The following CPXM2 variants were observed in gnomAD, a reference collection of about 807,000 sequenced individuals.
CPXM2 encodes the protein inactive carboxypeptidase-like protein X2.
A neutral mutation model predicts 86.1 loss-of-function variants in CPXM2; 66 were observed. That is an observed-to-expected ratio of 0.77 (90% CI 0.63 to 0.94). CPXM2 has a LOEUF of 0.94. Ranked by LOEUF, CPXM2 falls within the 40% of genes least tolerant of loss-of-function variation. CPXM2 has a pLI of 0.00. For synonymous variants in CPXM2, 388 were observed against 400.2 expected (o/e 0.97, Z 0.36); for missense variants, 948 against 1,026.3 (o/e 0.92, Z 1.04).
At chr10:123,830,043 A>G (rs1848132252) in intron 4 of CPXM2, among the ~76,000 whole-genome samples, 1 of 152,188 alleles carries the variant, frequency 6.6e-6, no homozygotes, top group Admixed American at 6.5e-5. Context: ...AATTGAAATA[A>G]TAAATGTACT....
chr10:123,857,632 AGATGGAAGGCGGCG>A (rs1848760210), intron 3 of CPXM2, among the ~76,000 whole-genome samples: 12 of 119,712 alleles, frequency 1.0e-4, no homozygotes, highest in East Asian at 2.3e-4. Context: ...GGCGGCGTGG[AGATGGAAGGCGGCG>A]TGGAGATGGA....
intron 6 of CPXM2, among the ~76,000 whole-genome samples, chr10:123,782,598 C>A (rs1564766561): frequency 2.0e-5 from 3 of 152,156 alleles, no homozygotes; most frequent in Admixed American, 2.0e-4. Context: ...TTTATTGAGA[C>A]CCTCCCTATT....
rs112055743 is a variant in CPXM2 at position 123,827,662 on chromosome 10, G to T, written c.653+14687C>A. Among the ~76,000 whole-genome samples, 334 of 152,290 alleles carry T rather than the reference G, an allele frequency of 2.2e-3. 2 individuals carry two copies. Among genetic ancestry groups the T allele is most frequent in the African/African-American group, 7.8e-3 (325 of 41,562 alleles). On this transcript the variant is annotated intron_variant, in intron 4 of 13. Transcript: ENST00000241305. ...CTACAAATGTACACACAGCTTTACT[G>T]CAATTCCTACCAAGTTCCTAGTAAG...
chr10:123,895,725 C>T (rs1945332602), upstream of CPXM2, among the ~76,000 whole-genome samples: 1 of 152,202 alleles, frequency 6.6e-6, no homozygotes, highest in Admixed American at 6.5e-5. Flanking sequence ...AGCACTGATT[C>T]TCCCTGGATG....
chr10:123,748,492 A>G (rs766877145), intron 13 of CPXM2, among the ~76,000 whole-genome samples: 2 of 152,174 alleles, frequency 1.3e-5, no homozygotes, highest in African/African-American at 2.4e-5. Flanking sequence ...ACCCCGTGCA[A>G]TACACTGAGC....
At chr10:123,911,534 C>A (rs1337667675) in intron 2 of CPXM2, among the ~76,000 whole-genome samples, 4 of 151,374 alleles carry the variant, frequency 2.6e-5, no homozygotes, top group African/African-American at 9.7e-5. Context: ...AAGGCAAAAC[C>A]CACCATTACT....
intron 6 of CPXM2, among the ~76,000 whole-genome samples, chr10:123,791,847 C>A (rs138907624): frequency 6.6e-6 from 1 of 152,196 alleles, no homozygotes; most frequent in Non-Finnish European, 1.5e-5. Flanking sequence ...TGCAGTCAGT[C>A]GTGGCGAGCC....
At chr10:123,789,809 G>A (rs959398544) in intron 6 of CPXM2, among the ~76,000 whole-genome samples, 8 of 152,260 alleles carry the variant, frequency 5.3e-5, no homozygotes, top group East Asian at 3.9e-4. Flanking sequence ...AGCTAATTCC[G>A]ATTGGCTATT....
intron 4 of CPXM2, among the ~76,000 whole-genome samples, chr10:123,831,925 T>C (rs74162948): frequency 0.018 from 2,075 of 112,980 alleles, 41 homozygotes; most frequent in African/African-American, 0.066. Context: ...GATAATGACA[T>C]CCTGTGGGTG....
chr10:123,937,328 C>T (rs1193765113), intron 2 of CPXM2, among the ~76,000 whole-genome samples: 1 of 152,196 alleles, frequency 6.6e-6, no homozygotes, highest in African/African-American at 2.4e-5. Flanking sequence ...ACAGCATTGA[C>T]CCGGCAGCTC....
At chr10:123,880,660 T>C (rs978649582) in intron 1 of CPXM2, among the ~76,000 whole-genome samples, 1 of 151,600 alleles carries the variant, frequency 6.6e-6, no homozygotes, top group Non-Finnish European at 1.5e-5. Context: ...AAACCCTGTC[T>C]CTACTAAAAA....
intron 2 of CPXM2, among the ~76,000 whole-genome samples, chr10:123,902,942 T>C (rs1030019634): frequency 6.6e-6 from 1 of 152,228 alleles, no homozygotes; most frequent in Admixed American, 6.5e-5. Context: ...CCTTTCATTC[T>C]TCCCTTGTCA....
chr10:123,848,670 A>G (rs1183911145), intron 3 of CPXM2, among the ~76,000 whole-genome samples: 1 of 152,218 alleles, frequency 6.6e-6, no homozygotes, highest in African/African-American at 2.4e-5. Flanking sequence ...TCTATGGAAC[A>G]AGTTTAATTC....
intron 6 of CPXM2, among the ~76,000 whole-genome samples, chr10:123,784,200 G>C (rs137862449): frequency 1.4e-4 from 22 of 152,284 alleles, no homozygotes; most frequent in African/African-American, 4.6e-4. Context: ...GGAACACCAG[G>C]TGAGTGAAGG....
rs1000823633 is a variant in CPXM2 at position 123,885,185 on chromosome 10, C to T, written c.305-4876G>A. On this transcript the variant is annotated intron_variant, in intron 1 of 13. Transcript: ENST00000241305. This position sits in a 1 kb window ranked among gnomAD's most constrained non-coding sequence, Gnocchi z 4.0. ...GGCTGTGTTGTCTGGCAGGACTCAA[C>T]GGGGACTCAACCTGGCTGGGGACTC... Among the ~76,000 whole-genome samples, 6 of 145,458 alleles carry T rather than the reference C, an allele frequency of 4.1e-5. No individual in the cohort carries two copies. Among genetic ancestry groups the T allele is most frequent in the South Asian group, 2.4e-4 (1 of 4,084 alleles).
chr10:123,923,844 G>A (rs1169931327), intron 2 of CPXM2, among the ~76,000 whole-genome samples: 2 of 152,154 alleles, frequency 1.3e-5, no homozygotes, highest in African/African-American at 2.4e-5. Context: ...CTCTCCTCTT[G>A]TCTGCCTCCA....
chr10:123,804,326 C>A (rs1217303101), intron 4 of CPXM2, among the ~76,000 whole-genome samples: 1 of 152,142 alleles, frequency 6.6e-6, no homozygotes, highest in African/African-American at 2.4e-5. Context: ...TGAATATATA[C>A]ACCAATTTTG....
intron 4 of CPXM2, among the ~76,000 whole-genome samples, chr10:123,814,960 G>T (rs1383983794): frequency 1.3e-5 from 2 of 152,174 alleles, no homozygotes. Context: ...GGAGGGTGGA[G>T]GTTGCAGTGA....
At chr10:123,908,249 A>G (rs1318963329) in intron 2 of CPXM2, among the ~76,000 whole-genome samples, 2 of 151,522 alleles carry the variant, frequency 1.3e-5, no homozygotes, top group African/African-American at 4.9e-5. Flanking sequence ...GGAGGAAAGG[A>G]TGGGGTGGGG....
Sources: gnomAD v4.1 joint callset for allele counts (sites outside exome capture counted in the v4.1 genomes callset) on GRCh38, gnomAD v4.1.1 for gene constraint, Gnocchi (gnomAD v3.1) non-coding constraint, MANE v1.5 for transcripts, NCBI Gene and HGNC (gene_info 2026-07-23, HGNC 2026-07-21) for gene names.